RAB27A: variants seen among roughly 807,000 people sequenced by gnomAD.
RAB27A encodes RAB27A, member RAS oncogene family, also known as ras-related protein Rab-27A.
RAB27A carries 17 observed loss-of-function variants against 20.8 expected under a neutral mutation model. That is an observed-to-expected ratio of 0.82 (90% confidence interval 0.56 to 1.23). The LOEUF is 1.23. Ranked by LOEUF, RAB27A falls within the 50% of genes most tolerant of loss-of-function variation. The probability of loss-of-function intolerance (pLI) is 0.00; values close to 1 mark genes in which losing one functional copy is unlikely to be tolerated. For synonymous variants in RAB27A, 85 were observed against 92.8 expected (o/e 0.92, Z 0.48); for missense variants, 277 against 266.7 (o/e 1.04, Z -0.27).
intron 1 of RAB27A, among the ~76,000 whole-genome samples, chr15:55,278,807 C>A (rs975201226): frequency 6.6e-6 from 1 of 152,148 alleles, no homozygotes; most frequent in Non-Finnish European, 1.5e-5. Flanking sequence ...TTAGTGAATT[C>A]AGTACGTTGA....
At chr15:55,299,035 G>A (rs1205840848) in intron 2 of RAB27A, among the ~76,000 whole-genome samples, 2 of 152,096 alleles carry the variant, frequency 1.3e-5, no homozygotes, top group African/African-American at 2.4e-5. Context: ...TTATTACAGG[G>A]TCCTGAGGTG....
At chr15:55,236,554 A>T (rs986012077) in intron 2 of RAB27A, among the ~76,000 whole-genome samples, 1 of 152,160 alleles carries the variant, frequency 6.6e-6, no homozygotes, top group African/African-American at 2.4e-5. Context: ...AAGAAGAAAA[A>T]TTCATTTATA....
At chr15:55,221,780 A>G (rs1358756604) in intron 6 of RAB27A, among the ~76,000 whole-genome samples, 1 of 152,008 alleles carries the variant, frequency 6.6e-6, no homozygotes, top group Admixed American at 6.6e-5. Flanking sequence ...ATTGTCATAA[A>G]CCTGCAACTA....
chr15:55,262,524 A>T lies in RAB27A; in HGVS notation c.-23+7641T>A, dbSNP rs376093535. On this transcript the variant is annotated intron_variant, in intron 2 of 6. Transcript: ENST00000336787. ...GCCACTGCACTCCAGCCTGGGCAAC[A>T]GAGTGAGACTCTGACTCAAAGAAAA... 7.6e-5 allele frequency among the ~76,000 whole-genome samples: 11 copies of T among 144,580 alleles called. No homozygotes were observed. In the East Asian group the frequency reaches 1.6e-3, roughly 21 times the overall value. 94.9% of individuals were successfully genotyped at this position (144,580 alleles called of 152,430 possible).
At chr15:55,271,038 G>A (rs1045699860) in intron 1 of RAB27A, 1 of 152,106 alleles carries the variant, frequency 6.6e-6, no homozygotes, top group African/African-American at 2.4e-5. Flanking sequence ...CCTACTCCAA[G>A]TTTTTATTAT....
At chr15:55,216,181 T>C (rs112152969) in intron 6 of RAB27A, among the ~76,000 whole-genome samples, 151 of 152,282 alleles carry the variant, frequency 9.9e-4, no homozygotes, top group Non-Finnish European at 1.8e-3. Context: ...AAATGTTTCT[T>C]ATTTCCAACA....
At chr15:55,240,865 G>C (rs1896450902) in intron 2 of RAB27A, among the ~76,000 whole-genome samples, 1 of 152,108 alleles carries the variant, frequency 6.6e-6, no homozygotes, top group South Asian at 2.1e-4. Flanking sequence ...TTGCAATAGA[G>C]ATACAACTGT....
intron 2 of RAB27A, among the ~76,000 whole-genome samples, chr15:55,237,847 C>T (rs1896323839): frequency 6.6e-6 from 1 of 152,098 alleles, no homozygotes; most frequent in South Asian, 2.1e-4. Flanking sequence ...TTTTACATCA[C>T]TTAGGGTACA....
intron 2 of RAB27A, among the ~76,000 whole-genome samples, chr15:55,247,508 C>T (rs1896733797): frequency 1.3e-5 from 2 of 152,246 alleles, no homozygotes; most frequent in South Asian, 2.1e-4. Context: ...GAACATGAAA[C>T]ATGCATGGAA....
rs575380060 is a variant in RAB27A at position 55,308,666 on chromosome 15, G to A, written c.-112+5373C>T. On this transcript the variant is annotated intron_variant, in intron 2 of 5. Coordinates refer to the RAB27A transcript ENST00000563262. ...ATGTTCTATCTTTTCTTCATTGTCC[G>A]GAAGAAATGGGACTGGGTTAAGAGT... Among the ~76,000 whole-genome samples the A allele has an allele frequency of 1.1e-4, 16 of 152,290 alleles. No homozygotes were observed. In the South Asian group the frequency reaches 1.2e-3, roughly 12 times the overall value.
chr15:55,307,215 G>C (rs1667329931), intron 2 of RAB27A, among the ~76,000 whole-genome samples: 1 of 151,932 alleles, frequency 6.6e-6, no homozygotes, highest in African/African-American at 2.4e-5. Flanking sequence ...AATGTTTTAA[G>C]AACTTGTTGA....
intron 2 of RAB27A, among the ~76,000 whole-genome samples, chr15:55,251,530 G>A (rs917615895): frequency 1.3e-5 from 2 of 152,158 alleles, no homozygotes; most frequent in Non-Finnish European, 2.9e-5. Flanking sequence ...TGGACACTTT[G>A]AGGCCATCAG....
At chr15:55,276,455 AGC>A (rs1351592936) in intron 1 of RAB27A, among the ~76,000 whole-genome samples, 1 of 152,224 alleles carries the variant, frequency 6.6e-6, no homozygotes, top group East Asian at 1.9e-4. Context: ...CTGTAGCCCC[AGC>A]TACTCAAGAG....
At chr15:55,279,554 A>T (rs1897960801) in intron 1 of RAB27A, among the ~76,000 whole-genome samples, 2 of 152,242 alleles carry the variant, frequency 1.3e-5, no homozygotes, top group African/African-American at 2.4e-5. Flanking sequence ...TAGCCTGTAC[A>T]TCAAGATCAT....
At chr15:55,267,453 G>A (rs1897537916) in intron 2 of RAB27A, among the ~76,000 whole-genome samples, 1 of 151,936 alleles carries the variant, frequency 6.6e-6, no homozygotes, top group South Asian at 2.1e-4. Flanking sequence ...TCCCCTACCT[G>A]CCCCCCAGCC....
At chr15:55,271,533 T>A (rs1897704766) in intron 1 of RAB27A, among the ~76,000 whole-genome samples, 1 of 152,198 alleles carries the variant, frequency 6.6e-6, no homozygotes, top group Non-Finnish European at 1.5e-5. Flanking sequence ...GCTCCTTGGC[T>A]CCTTGTGCCA....
At chr15:55,238,220 AAACAGAACCCAGAGAGGTAGACTG>A (rs957865541) in intron 2 of RAB27A, 4 of 152,124 alleles carry the variant, frequency 2.6e-5, no homozygotes, top group Non-Finnish European at 5.9e-5. Flanking sequence ...CTAAAGGGTA[AAACAGAACCCAGAGAGGTAGACTG>A]ATTTGCACGA....
intron 2 of RAB27A, among the ~76,000 whole-genome samples, chr15:55,250,335 A>G (rs566210334): frequency 6.6e-6 from 1 of 152,332 alleles, no homozygotes; most frequent in African/African-American, 2.4e-5. Context: ...TACCAAATTT[A>G]GAGACCTCCA....
chr15:55,280,942 A>G (rs1459735399), intron 1 of RAB27A, among the ~76,000 whole-genome samples: 5 of 152,152 alleles, frequency 3.3e-5, no homozygotes, highest in Non-Finnish European at 5.9e-5. Flanking sequence ...AGTCTTTGCT[A>G]TTGTGAATAG....
Sources: gnomAD v4.1 joint callset for allele counts (sites outside exome capture counted in the v4.1 genomes callset) on GRCh38, gnomAD v4.1.1 for gene constraint, MANE v1.5 for transcripts, NCBI Gene and HGNC (gene_info 2026-07-23, HGNC 2026-07-21) for gene names.